SMARCA4: variants seen among roughly 807,000 people sequenced by gnomAD.
SMARCA4 encodes SWI/SNF-related matrix-associated actin-dependent regulator of chromatin subfamily A member 4.
Under a neutral mutation model 193.9 loss-of-function variants are expected in SMARCA4, and 31 were observed. The ratio of observed to expected loss-of-function variants is 0.16; its 90% confidence interval spans 0.12 to 0.22. The LOEUF (loss-of-function observed/expected upper bound fraction) is 0.22, where lower values mean the gene tolerates loss of function less well. Among genes scored for constraint, SMARCA4 ranks in the 10% least tolerant of loss-of-function variants. SMARCA4 has a pLI of 1.00. For missense variants in SMARCA4, 1,148 were observed against 2,296.0 expected, an observed-to-expected ratio of 0.50 and a Z score of 10.22; for synonymous variants, 942 against 933.1, an observed-to-expected ratio of 1.01 and a Z score of -0.17.
chr19:11,034,064 C>G lies in SMARCA4; in HGVS notation c.3874-59C>G. ...ACGGACGCCGCCGCTCGCCTCTGAGCTCGGCCGCCGCCCACCCCGGCCCCT... is the reference window on the plus strand; with the variant it reads ...ACGGACGCCGCCGCTCGCCTCTGAGGTCGGCCGCCGCCCACCCCGGCCCCT... On this transcript the variant is annotated intron_variant, in intron 27 of 34. Coordinates refer to ENST00000344626, the MANE Select transcript of SMARCA4 (RefSeq NM_003072.5). This position sits in a 1 kb window ranked among gnomAD's most constrained non-coding sequence, Gnocchi z 7.0. 7.3e-7 allele frequency: 1 copy of G among 1,377,666 alleles called. No individual in the cohort carries two copies. Among genetic ancestry groups the G allele is most frequent in the South Asian group, 1.2e-5 (1 of 86,388 alleles). The allele number at this position is 1,377,666 out of a possible 1,614,324, so 85.3% of individuals were successfully genotyped here. A position where few individuals can be genotyped will look rare whatever the true frequency, so the allele number is the denominator to read the frequency against.
intron 8 of SMARCA4, 46 bp downstream of exon 8, chr19:10,991,369 G>A (rs1291072581): frequency 6.4e-7 from 1 of 1,555,878 alleles, no homozygotes; most frequent in South Asian, 1.2e-5. Context: ...CCACCTGGCT[G>A]CCTGGCTTGT....
At chr19:11,050,892 C>G (rs1483791920) in intron 30 of SMARCA4, among the ~76,000 whole-genome samples, 1 of 152,204 alleles carries the variant, frequency 6.6e-6, no homozygotes, top group Admixed American at 6.5e-5. Context: ...GCCTGTGGTT[C>G]CAGGTCTATG....
intron 30 of SMARCA4, among the ~76,000 whole-genome samples, chr19:11,045,179 G>T (rs958724914): frequency 6.6e-6 from 1 of 152,194 alleles, no homozygotes; most frequent in Non-Finnish European, 1.5e-5. Context: ...AATTAGCCGG[G>T]TGTGGTGGTG....
chr19:10,972,875 C>CTGAGG (rs1426596506), intron 1 of SMARCA4, among the ~76,000 whole-genome samples: 9 of 152,156 alleles, frequency 5.9e-5, no homozygotes, highest in Non-Finnish European at 1.3e-4. Flanking sequence ...CTTTGGGAGG[C>CTGAGG]CAAAGTGGAC....
Position 11,034,165 on chromosome 19 carries a change from A to G in SMARCA4, c.3916A>G (p.Ile1306Val), listed in dbSNP as rs1060502080. The G allele has an allele frequency of 6.2e-7, 1 of 1,613,830 alleles. No homozygotes were observed. The highest frequency in any genetic ancestry group is 8.5e-7 in the Non-Finnish European group (1 of 1,179,972). The change falls in exon 28 of 35, where the codon ATC becomes GTC. Residue 1306 changes from isoleucine to valine, a missense_variant. Transcript: ENST00000344626. The surrounding 1 kb of genome is among the most constrained non-coding windows in gnomAD (Gnocchi z 7.0). ...CGACGACGAGACCGTCAACCAGATG[A>G]TCGCCCGGCACGAGGAGGAGTTTGA... ...VPDDETVNQM[I>V]ARHEEEFDLF... is the part of the protein sequence containing the mutation.
chr19:10,977,266 T>C (rs1488305537), intron 1 of SMARCA4, among the ~76,000 whole-genome samples: 3 of 151,760 alleles, frequency 2.0e-5, no homozygotes, highest in Non-Finnish European at 2.9e-5. Flanking sequence ...GGGGCAGGAG[T>C]GTTACCTGCG....
chr19:11,002,867 T>G (rs1229392951), intron 11 of SMARCA4, among the ~76,000 whole-genome samples, 162 bp from the exon 12 acceptor site: 1 of 151,886 alleles, frequency 6.6e-6, no homozygotes, highest in Non-Finnish European at 1.5e-5. Flanking sequence ...ATATTTTTAC[T>G]GGATTACTGA....
chr19:11,041,291 A>G lies in SMARCA4; in HGVS notation c.4171-16A>G, dbSNP rs774180867. 6.3e-6 allele frequency: 10 copies of G among 1,599,966 alleles called. No individual in the cohort carries two copies. Among genetic ancestry groups the G allele is most frequent in the Non-Finnish European group, 7.7e-6 (9 of 1,173,256 alleles). On this transcript the variant is annotated splice_polypyrimidine_tract_variant and intron_variant, in intron 29 of 34. Coordinates refer to ENST00000344626, the MANE Select transcript of SMARCA4 (RefSeq NM_003072.5). The surrounding 1 kb of genome is among the most constrained non-coding windows in gnomAD (Gnocchi z 5.6). Reference sequence around the variant, plus strand: ...TGGGTGCTGGCTGTCCTATTTTACTACTATTGACCCTGAAGGCCATCGAGG... The same window carrying G: ...TGGGTGCTGGCTGTCCTATTTTACTGCTATTGACCCTGAAGGCCATCGAGG...
intron 1 of SMARCA4, among the ~76,000 whole-genome samples, chr19:10,965,030 A>T (rs2163800): frequency 2.0e-4 from 30 of 151,938 alleles, no homozygotes; most frequent in Non-Finnish European, 3.8e-4. Context: ...TTGTCTTTCC[A>T]TCCCTCGGTC....
In SMARCA4 at chr19:11,003,060, T is replaced by G. The variant is rs2087808376; in HGVS notation, c.1844T>G (p.Leu615Arg). 6.2e-7 allele frequency: 1 copy of G among 1,614,072 alleles called. No individual in the cohort carries two copies. Among genetic ancestry groups the G allele is most frequent in the Non-Finnish European group, 8.5e-7 (1 of 1,179,998 alleles). ...PLDETSQMSD[L>R]PVKVIHVESG... ...GACGAGACCAGCCAGATGAGCGACC[T>G]CCCGGTGAAGGTGATCCACGTGGAG... The change falls in exon 12 of 35, where the codon CTC becomes CGC. Residue 615 changes from leucine to arginine, a missense_variant. Leu to Arg is a moderately radical substitution (Grantham distance 102). Around this residue, in one of 17 missense-constraint regions of SMARCA4, gnomAD observed 115 missense variants for 175.1 expected, o/e 0.66. Coordinates refer to ENST00000344626, the MANE Select transcript of SMARCA4 (RefSeq NM_003072.5).
intron 1 of SMARCA4, among the ~76,000 whole-genome samples, chr19:10,978,333 CT>C (rs2085300781): frequency 6.6e-6 from 1 of 152,032 alleles, no homozygotes; most frequent in Non-Finnish European, 1.5e-5. Context: ...GCTTCTCTCT[CT>C]TTTTTTCTGT....
At chr19:11,004,845 C>CT (rs35249801) in intron 13 of SMARCA4, among the ~76,000 whole-genome samples, 74 of 143,228 alleles carry the variant, frequency 5.2e-4, no homozygotes, top group Non-Finnish European at 6.9e-4. Flanking sequence ...TTTATAGTGC[C>CT]TTTTTTTTTT....
intron 13 of SMARCA4, among the ~76,000 whole-genome samples, chr19:11,004,014 T>C (rs999641351): frequency 6.6e-5 from 10 of 151,886 alleles, no homozygotes; most frequent in South Asian, 4.2e-4. Context: ...GTCCGACTTA[T>C]GATTTTTTTG....
intron 14 of SMARCA4, among the ~76,000 whole-genome samples, chr19:11,009,158 AC>A (rs1366356442): frequency 1.3e-5 from 2 of 150,144 alleles, no homozygotes; most frequent in Non-Finnish European, 3.0e-5. Flanking sequence ...AGTAGCTGGC[AC>A]AACAGGCGCG....
intron 30 of SMARCA4, among the ~76,000 whole-genome samples, chr19:11,056,009 C>T (rs1357999559): frequency 6.6e-6 from 1 of 152,164 alleles, no homozygotes; most frequent in Non-Finnish European, 1.5e-5. Flanking sequence ...CAGTGTAAAG[C>T]GCAACTCTTG....
chr19:11,051,547 G>C (rs542326876), intron 30 of SMARCA4, among the ~76,000 whole-genome samples: 1 of 149,596 alleles, frequency 6.7e-6, no homozygotes, highest in African/African-American at 2.5e-5. Context: ...CTGGAGTGCA[G>C]TAGCCTGATC....
chr19:11,059,196 A>G, intron 32 of SMARCA4: 1 of 365,668 alleles, frequency 2.7e-6, no homozygotes, highest in Non-Finnish European at 5.1e-6. Context: ...AAGAAAATAA[A>G]GATAGGCACA....
In SMARCA4 at chr19:10,986,784, TG is replaced by T; in HGVS notation, c.761-117del. On this transcript the variant is annotated intron_variant, in intron 4 of 34. Coordinates refer to ENST00000344626, the MANE Select transcript of SMARCA4 (RefSeq NM_003072.5). This position sits in a 1 kb window ranked among gnomAD's most constrained non-coding sequence, Gnocchi z 6.7. ...TGCTTCCCCAGCTCCCCGCTTCCCC[TG>T]GGGCCGCTGGTTAATAGGTGTATCT... is the stretch of plus-strand genomic sequence containing the variant. The T allele has an allele frequency of 8.2e-7, 1 of 1,222,604 alleles. No individual in the cohort carries two copies. The highest frequency in any genetic ancestry group is 1.2e-6 in the Non-Finnish European group (1 of 847,018). The allele number at this position is 1,222,604 out of a possible 1,614,324, so 75.7% of individuals were successfully genotyped here.
chr19:10,985,934 C>T lies in SMARCA4; in HGVS notation c.356-255C>T, dbSNP rs117068342. Among the ~76,000 whole-genome samples, 4,269 of 152,206 alleles carry T rather than the reference C, an allele frequency of 0.028. 94 individuals carry two copies. The highest frequency in any genetic ancestry group is 0.041 in the Non-Finnish European group (2,782 of 67,988). ...AGGCAGGCGGAAGCCGGGAGAGAGC[C>T]GTGATTTCATGCACAGGTTCTCAGC... On this transcript the variant is annotated intron_variant, in intron 3 of 34. Transcript: ENST00000344626. The surrounding 1 kb of genome is among the most constrained non-coding windows in gnomAD (Gnocchi z 4.5).
Sources: gnomAD v4.1 joint callset for allele counts (sites outside exome capture counted in the v4.1 genomes callset) on GRCh38, gnomAD v4.1.1 for gene constraint, gnomAD v4.1.1 regional missense constraint, Gnocchi (gnomAD v3.1) non-coding constraint, MANE v1.5 for transcripts, NCBI Gene and HGNC (gene_info 2026-07-23, HGNC 2026-07-21) for gene names.